EXOC4: variants seen among roughly 807,000 people sequenced by gnomAD.
EXOC4 encodes the protein exocyst complex component 4, also known as SEC8-like 1.
EXOC4 carries 71 observed loss-of-function variants against 107.2 expected under a neutral mutation model. The ratio of observed to expected loss-of-function variants is 0.66; its 90% confidence interval spans 0.55 to 0.81. EXOC4 has a LOEUF of 0.81. EXOC4 is among the 30% of genes least tolerant of loss of function. EXOC4 has a pLI of 0.00. For synonymous variants in EXOC4, 456 were observed against 441.2 expected, an observed-to-expected ratio of 1.03 and a Z score of -0.42; for missense variants, 1,108 against 1,189.6, an observed-to-expected ratio of 0.93 and a Z score of 1.01.
intron 9 of EXOC4, among the ~76,000 whole-genome samples, chr7:133,590,824 A>G (rs539106541): frequency 1.3e-5 from 2 of 152,302 alleles, no homozygotes; most frequent in Admixed American, 6.5e-5. Context: ...CTGGATGCCA[A>G]ACGAGACCTT....
intron 12 of EXOC4, among the ~76,000 whole-genome samples, chr7:133,906,833 G>A (rs907446736): frequency 6.6e-6 from 1 of 152,218 alleles, no homozygotes; most frequent in Non-Finnish European, 1.5e-5. Context: ...CTCCTGCACA[G>A]ATAAGTGTCC....
At chr7:133,602,863 G>A (rs1237614117) in intron 9 of EXOC4, among the ~76,000 whole-genome samples, 2 of 152,158 alleles carry the variant, frequency 1.3e-5, no homozygotes, top group Non-Finnish European at 2.9e-5. Flanking sequence ...AATGGGAAAT[G>A]GAAAATGAAC....
chr7:134,006,879 A>C (rs1563088950), intron 16 of EXOC4, among the ~76,000 whole-genome samples: 2 of 152,160 alleles, frequency 1.3e-5, no homozygotes, highest in African/African-American at 4.8e-5. Flanking sequence ...ATTACATGGG[A>C]TATCCTGAGG....
intron 9 of EXOC4, among the ~76,000 whole-genome samples, chr7:133,499,706 T>G (rs1317721484): frequency 6.6e-6 from 1 of 152,118 alleles, no homozygotes; most frequent in Non-Finnish European, 1.5e-5. Context: ...GGAGTTCTCG[T>G]GTAAGCTTTA....
chr7:133,298,640 C>T (rs989527334), intron 3 of EXOC4, among the ~76,000 whole-genome samples: 21 of 151,938 alleles, frequency 1.4e-4, no homozygotes, highest in Admixed American at 7.9e-4. Context: ...TTTCTCTTAC[C>T]GTGTTACGTA....
intron 14 of EXOC4, among the ~76,000 whole-genome samples, chr7:133,984,418 T>G (rs1794067497): frequency 6.6e-6 from 1 of 152,224 alleles, no homozygotes; most frequent in Non-Finnish European, 1.5e-5. Flanking sequence ...ATATCCTTCC[T>G]GGAGCTTTAG....
At chr7:133,291,246 A>G (rs1406485713) in intron 3 of EXOC4, among the ~76,000 whole-genome samples, 1 of 152,006 alleles carries the variant, frequency 6.6e-6, no homozygotes, top group Middle Eastern at 3.2e-3. Flanking sequence ...CTAGATATTA[A>G]TTCTTCTTGT....
At chr7:133,971,826 C>T (rs981346344) in intron 14 of EXOC4, among the ~76,000 whole-genome samples, 4 of 152,178 alleles carry the variant, frequency 2.6e-5, no homozygotes, top group Admixed American at 1.3e-4. Context: ...CACTGTCTCT[C>T]CATCATTAGT....
At chr7:133,694,930 C>G (rs1169136328) in intron 10 of EXOC4, among the ~76,000 whole-genome samples, 1 of 152,178 alleles carries the variant, frequency 6.6e-6, no homozygotes, top group Non-Finnish European at 1.5e-5. Flanking sequence ...TCAAGCGATT[C>G]TCCTGCCTCA....
chr7:133,927,127 A>C (rs571704261), intron 13 of EXOC4, among the ~76,000 whole-genome samples: 1 of 139,914 alleles, frequency 7.1e-6, no homozygotes, highest in East Asian at 2.2e-4. Context: ...AATGAAAGAA[A>C]TAAAATGTAA....
rs753185611 is a variant in EXOC4 at position 133,308,602 on chromosome 7, TCAGA to T, written c.656+2546_656+2549del. Reference sequence around the variant, plus strand: ...CTTTATTATGGCAGTGGGAGGGAACTCAGACAGAGGGGATCAGAAGCAATAATTA... The same window carrying T: ...CTTTATTATGGCAGTGGGAGGGAACTCAGAGGGGATCAGAAGCAATAATTA... On this transcript the variant is annotated intron_variant, in intron 4 of 17. Coordinates refer to ENST00000253861, the MANE Select transcript of EXOC4 (RefSeq NM_021807.4). Among the ~76,000 whole-genome samples the T allele has an allele frequency of 3.2e-4, 49 of 152,194 alleles. 1 individual carries two copies. The highest frequency in any genetic ancestry group is 6.2e-4 in the Non-Finnish European group (42 of 68,006).
intron 5 of EXOC4, among the ~76,000 whole-genome samples, chr7:133,334,738 A>G (rs955220332): frequency 7.3e-5 from 11 of 151,628 alleles, no homozygotes; most frequent in African/African-American, 1.2e-4. Flanking sequence ...CCACCCTCCA[A>G]TGGGCCCCAG....
At chr7:133,330,258 A>C (rs1048279168) in intron 5 of EXOC4, among the ~76,000 whole-genome samples, 1 of 152,084 alleles carries the variant, frequency 6.6e-6, no homozygotes, top group African/African-American at 2.4e-5. Flanking sequence ...CAGCAATGGC[A>C]GACGCCCCTC....
intron 9 of EXOC4, among the ~76,000 whole-genome samples, chr7:133,486,996 T>C (rs1170231203): frequency 1.3e-5 from 2 of 152,240 alleles, no homozygotes; most frequent in Non-Finnish European, 2.9e-5. Context: ...TTAGCCTTAA[T>C]TGATGTAGAC....
chr7:133,625,061 AC>A (rs879814593), intron 9 of EXOC4, among the ~76,000 whole-genome samples: 1 of 152,244 alleles, frequency 6.6e-6, no homozygotes, highest in Non-Finnish European at 1.5e-5. Flanking sequence ...TAATATTTCC[AC>A]AAAAATAAGG....
intron 10 of EXOC4, among the ~76,000 whole-genome samples, chr7:133,633,674 C>T (rs910981476): frequency 1.4e-5 from 2 of 144,278 alleles, no homozygotes; most frequent in African/African-American, 2.6e-5. Flanking sequence ...GCTGAGATCG[C>T]GCCACTGCAC....
chr7:133,831,302 T>G (rs942194561), intron 11 of EXOC4, among the ~76,000 whole-genome samples: 9 of 152,178 alleles, frequency 5.9e-5, no homozygotes, highest in African/African-American at 2.2e-4. Flanking sequence ...AGGTATGTAG[T>G]AGAATGTAGT....
At chr7:133,461,603 A>G (rs142699966) in intron 7 of EXOC4, among the ~76,000 whole-genome samples, 1 of 152,288 alleles carries the variant, frequency 6.6e-6, no homozygotes, top group East Asian at 1.9e-4. Flanking sequence ...CTTTTCCAAG[A>G]TGCATTAACT....
At chr7:134,067,612 T>C, downstream of EXOC4, among the ~76,000 whole-genome samples, 1 of 142,086 alleles carries the variant, frequency 7.0e-6, no homozygotes, top group African/African-American at 2.7e-5. Context: ...GTTCATCAGC[T>C]AGGACCCAAC....
Sources: allele counts gnomAD v4.1 joint callset (sites outside exome capture counted in the v4.1 genomes callset), GRCh38; gene constraint gnomAD v4.1.1; transcripts MANE v1.5; gene names NCBI Gene and HGNC (gene_info 2026-07-23, HGNC 2026-07-21).